COMMD6: variants seen among roughly 807,000 people sequenced by gnomAD.
COMMD6 encodes the protein COMM domain-containing protein 6.
In COMMD6, 11 loss-of-function variants were observed where a neutral mutation model predicts 13.4. The observed-to-expected ratio is 0.82, with a 90% CI of 0.52 to 1.36. The LOEUF is 1.36. Ranked by LOEUF, COMMD6 falls within the 40% of genes most tolerant of loss-of-function variation. The probability of loss-of-function intolerance (pLI) is 0.00; values close to 1 mark genes in which losing one functional copy is unlikely to be tolerated. For synonymous variants in COMMD6, 43 were observed against 36.5 expected, an observed-to-expected ratio of 1.18 and a Z score of -0.64; for missense variants, 124 against 102.4, an observed-to-expected ratio of 1.21 and a Z score of -0.91.
chr13:75,530,252 C>T lies in COMMD6; in HGVS notation c.69G>A (p.Gln23=). Residue 23 remains glutamine, a synonymous_variant, in exon 3 of 4, where the codon CAG becomes CAA. Transcript: ENST00000682242. The part of the protein sequence containing the change: ...SDVTNQLVDF[Q]WKLGMAVSSD... The stretch of plus-strand genomic sequence containing the variant: ...AGCTCACAGCCATACCCAGTTTCCA[C>T]TGAAAATCTACAAGCTTTAATAAGA... The T allele has an allele frequency of 6.2e-7, 1 of 1,610,112 alleles. No individual in the cohort carries two copies. The highest frequency in any genetic ancestry group is 8.5e-7 in the Non-Finnish European group (1 of 1,178,526).
At chr13:75,538,749 C>T (rs2030767164), upstream of COMMD6, 1 of 152,176 alleles carries the variant, frequency 6.6e-6, no homozygotes, top group Non-Finnish European at 1.5e-5. Context: ...AAGTTATTCC[C>T]TACCCCATCC....
In COMMD6 at chr13:75,525,267, G is replaced by A. The variant is rs950120177; in HGVS notation, c.*1322C>T. The A allele has an allele frequency of 1.6e-4, 24 of 152,064 alleles. No homozygotes were observed. Among genetic ancestry groups the A allele is most frequent in the African/African-American group, 5.8e-4 (24 of 41,396 alleles). 9.4% of individuals were successfully genotyped at this position (152,064 alleles called of 1,614,324 possible). A position where few individuals can be genotyped will look rare whatever the true frequency, so the allele number is the denominator to read the frequency against. On this transcript the variant is annotated 3_prime_UTR_variant, in exon 4 of 4. Coordinates refer to ENST00000682242, the MANE Select transcript of COMMD6 (RefSeq NM_203495.4). ...CTGCTACCCACAGTGTTTGAGCCAG[G>A]GCCTAACTTTGGGTCTTTTTGCATA...
At chr13:75,547,091 G>C (rs1196340607) in intron 1 of COMMD6, among the ~76,000 whole-genome samples, 1 of 152,140 alleles carries the variant, frequency 6.6e-6, no homozygotes, top group Non-Finnish European at 1.5e-5. Flanking sequence ...TCTAATATGT[G>C]TATTTTCTCT....
chr13:75,529,520 CAAAAAAAAAAAA>C (rs58073558), intron 3 of COMMD6, among the ~76,000 whole-genome samples: 5 of 104,624 alleles, frequency 4.8e-5, no homozygotes, highest in Admixed American at 1.0e-4. Context: ...GACTCCGTCT[CAAAAAAAAAAAA>C]AAAAAAAAAA....
chr13:75,535,709 GAC>G, intron 2 of COMMD6, among the ~76,000 whole-genome samples: 1 of 152,266 alleles, frequency 6.6e-6, no homozygotes, highest in South Asian at 2.1e-4. Context: ...TCGCTTCTCT[GAC>G]AGATCCAAGA....
At chr13:75,532,933 G>GTTT (rs1418511938) in intron 2 of COMMD6, among the ~76,000 whole-genome samples, 2 of 134,626 alleles carry the variant, frequency 1.5e-5, no homozygotes, top group South Asian at 2.4e-4. Flanking sequence ...TTTTTGTTTT[G>GTTT]TTTTTTTTTT....
chr13:75,537,650 G>A lies in COMMD6; in HGVS notation c.54+14C>T, dbSNP rs377543170. 6 of 1,613,698 alleles carry A rather than the reference G, an allele frequency of 3.7e-6. No individual in the cohort carries two copies. The highest frequency in any genetic ancestry group is 5.1e-6 in the Non-Finnish European group (6 of 1,179,820). ...AGGCTGGCGGAGGACAGGGCGGGGC[G>A]GCCGCTCACCCACCTGGTTGGTGAC... On this transcript the variant is annotated intron_variant, in intron 2 of 3. Coordinates refer to ENST00000682242, the MANE Select transcript of COMMD6 (RefSeq NM_203495.4).
intron 2 of COMMD6, among the ~76,000 whole-genome samples, chr13:75,533,082 C>T (rs982531366): frequency 6.6e-6 from 1 of 151,934 alleles, no homozygotes; most frequent in African/African-American, 2.4e-5. Context: ...AGGCGCCCGC[C>T]ACCATGACGG....
chr13:75,538,170 G>C (rs567490077), upstream of COMMD6, among the ~76,000 whole-genome samples: 1 of 152,300 alleles, frequency 6.6e-6, no homozygotes, highest in South Asian at 2.1e-4. Context: ...AACCAAATTC[G>C]GAAGGCGCTG....
chr13:75,532,773 C>T (rs908175540), intron 2 of COMMD6, among the ~76,000 whole-genome samples: 14 of 152,156 alleles, frequency 9.2e-5, no homozygotes, highest in African/African-American at 3.1e-4. Context: ...ATAAAGTTGA[C>T]AAGTGATCAA....
chr13:75,544,934 A>AAAAAAC (rs1555271508), intron 1 of COMMD6, among the ~76,000 whole-genome samples: 1 of 150,916 alleles, frequency 6.6e-6, no homozygotes, highest in Non-Finnish European at 1.5e-5. Flanking sequence ...TCCAAAAAAA[A>AAAAAAC]AAAAAAAACA....
chr13:75,531,990 A>G (rs2030495563), intron 2 of COMMD6, among the ~76,000 whole-genome samples: 1 of 152,272 alleles, frequency 6.6e-6, no homozygotes, highest in African/African-American at 2.4e-5. Flanking sequence ...AATGCTATAC[A>G]GCAATGAAAA....
At chr13:75,529,463 G>A (rs1454090871) in intron 3 of COMMD6, among the ~76,000 whole-genome samples, 3 of 149,408 alleles carry the variant, frequency 2.0e-5, no homozygotes, top group Admixed American at 6.8e-5. Context: ...AGAGCTTGCA[G>A]TGAGCCAAGA....
At chr13:75,532,703 C>T (rs2030526088) in intron 2 of COMMD6, among the ~76,000 whole-genome samples, 1 of 152,076 alleles carries the variant, frequency 6.6e-6, no homozygotes, top group African/African-American at 2.4e-5. Context: ...TGGTGGCACA[C>T]GCCTGTAGTC....
chr13:75,548,929 C>G (rs1842494539), intron 1 of COMMD6, among the ~76,000 whole-genome samples: 1 of 152,206 alleles, frequency 6.6e-6, no homozygotes, highest in Non-Finnish European at 1.5e-5. Flanking sequence ...AATCAGCACC[C>G]TTTACTCTGC....
At chr13:75,543,903 G>T (rs1208798462) in intron 1 of COMMD6, among the ~76,000 whole-genome samples, 2 of 152,180 alleles carry the variant, frequency 1.3e-5, no homozygotes, top group Non-Finnish European at 2.9e-5. Context: ...TTCAGGAATG[G>T]TAAGCAACAG....
chr13:75,539,640 G>A (rs2030792071), upstream of COMMD6, among the ~76,000 whole-genome samples: 1 of 152,152 alleles, frequency 6.6e-6, no homozygotes, highest in Admixed American at 6.5e-5. Flanking sequence ...AATCAGGATG[G>A]AAATCTTTGG....
chr13:75,530,441 G>T (rs557338455), intron 2 of COMMD6, 175 bp from the exon 3 acceptor site: 5 of 484,558 alleles, frequency 1.0e-5, no homozygotes, highest in Non-Finnish European at 1.8e-5. Flanking sequence ...AAAAAATGGA[G>T]AGGTTATAAG....
chr13:75,540,120 G>A (rs1010082653), upstream of COMMD6, among the ~76,000 whole-genome samples: 1 of 151,934 alleles, frequency 6.6e-6, no homozygotes, highest in Admixed American at 6.6e-5. Context: ...ACAGGCGCAT[G>A]CCACCATGCC....
Sources: allele counts gnomAD v4.1 joint callset (sites outside exome capture counted in the v4.1 genomes callset), GRCh38; gene constraint gnomAD v4.1.1; transcripts MANE v1.5; gene names NCBI Gene and HGNC (gene_info 2026-07-23, HGNC 2026-07-21).